The following MBNL2 variants were observed in gnomAD, a reference collection of about 807,000 sequenced individuals.
MBNL2 encodes muscleblind like splicing regulator 2, also known as muscleblind-like protein 2.
MBNL2 carries 17 observed loss-of-function variants against 41.9 expected under a neutral mutation model. The observed-to-expected ratio is 0.41, with a 90% CI of 0.28 to 0.61. MBNL2 has a LOEUF of 0.61. Ranked by LOEUF, MBNL2 falls within the 20% of genes least tolerant of loss-of-function variation. The probability of loss-of-function intolerance (pLI) is 0.35; values close to 1 mark genes in which losing one functional copy is unlikely to be tolerated. For synonymous variants in MBNL2, 195 were observed against 182.9 expected, an observed-to-expected ratio of 1.07 and a Z score of -0.53; for missense variants, 336 against 505.6, an observed-to-expected ratio of 0.66 and a Z score of 3.22.
At chr13:97,242,794 G>A (rs2044575953) in intron 1 of MBNL2, among the ~76,000 whole-genome samples, 2 of 150,686 alleles carry the variant, frequency 1.3e-5, no homozygotes, top group Non-Finnish European at 2.9e-5. Flanking sequence ...CCTCCTGTAC[G>A]TTGCTTGATT....
chr13:97,228,720 G>C (rs934649967), intron 1 of MBNL2, among the ~76,000 whole-genome samples: 1 of 151,738 alleles, frequency 6.6e-6, no homozygotes, highest in African/African-American at 2.4e-5. Context: ...AGTAGAGACA[G>C]GGTTTCACCA....
chr13:97,259,209 C>G (rs2048130663), intron 1 of MBNL2, among the ~76,000 whole-genome samples: 1 of 152,164 alleles, frequency 6.6e-6, no homozygotes, highest in Non-Finnish European at 1.5e-5. Context: ...ACCACCACAT[C>G]ATGAAGACTG....
chr13:97,266,727 A>G (rs1480720732), intron 1 of MBNL2, among the ~76,000 whole-genome samples: 2 of 152,078 alleles, frequency 1.3e-5, no homozygotes, highest in Non-Finnish European at 1.5e-5. Context: ...TTAAAAATAT[A>G]TATTTTAAGA....
At chr13:97,286,211 G>A (rs1306986931) in intron 2 of MBNL2, among the ~76,000 whole-genome samples, 3 of 152,136 alleles carry the variant, frequency 2.0e-5, no homozygotes, top group African/African-American at 7.2e-5. Flanking sequence ...AATTTAATGT[G>A]TCCACTAACA....
intron 8 of MBNL2, among the ~76,000 whole-genome samples, chr13:97,377,268 C>T (rs2065046876): frequency 6.6e-6 from 1 of 152,160 alleles, no homozygotes; most frequent in South Asian, 2.1e-4. Context: ...TAGAACTTTC[C>T]AGAAGCTCCT....
chr13:97,346,289 A>G lies in MBNL2; in HGVS notation c.541-515A>G, dbSNP rs1292449587. Among the ~76,000 whole-genome samples, 1 of 152,134 alleles carries G rather than the reference A, an allele frequency of 6.6e-6. No individual in the cohort carries two copies. The highest frequency in any genetic ancestry group is 1.5e-5 in the Non-Finnish European group (1 of 68,020). ...GATGGATGGATAGATGGATGGGTGG[A>G]TGGATAGATAGATGGATAATAGATA... On this transcript the variant is annotated intron_variant, in intron 4 of 8. Coordinates refer to ENST00000679496, the MANE Select transcript of MBNL2 (RefSeq NM_001382683.1). The surrounding 1 kb of genome is among the most constrained non-coding windows in gnomAD (Gnocchi z 4.2).
intron 1 of MBNL2, among the ~76,000 whole-genome samples, chr13:97,233,126 C>CATATATATATATAT (rs376967986): frequency 5.0e-5 from 2 of 39,776 alleles, no homozygotes; most frequent in African/African-American, 9.7e-5. Flanking sequence ...GGCTCTTTTT[C>CATATATATATATAT]ATATATATAT....
the MBNL2 span, among the ~76,000 whole-genome samples, chr13:97,198,181 T>G: frequency 6.6e-6 from 1 of 152,134 alleles, no homozygotes; most frequent in African/African-American, 2.4e-5. Context: ...CTGGATGAGA[T>G]TCAATGTCAT....
chr13:97,375,686 C>A (rs1444605832), intron 8 of MBNL2, among the ~76,000 whole-genome samples: 1 of 152,212 alleles, frequency 6.6e-6, no homozygotes, highest in Admixed American at 6.5e-5. Context: ...GGTAGCAGAG[C>A]CTGCCTTTGG....
intron 1 of MBNL2, among the ~76,000 whole-genome samples, chr13:97,273,081 A>G (rs1393952943): frequency 1.3e-5 from 2 of 152,248 alleles, no homozygotes; most frequent in African/African-American, 4.8e-5. Context: ...CTTGCCATCT[A>G]TGCAACAGTA....
At chr13:97,155,277 G>A in the MBNL2 span, among the ~76,000 whole-genome samples, 54 of 151,450 alleles carry the variant, frequency 3.6e-4, no homozygotes, top group African/African-American at 1.3e-3. Context: ...TTTATATCCA[G>A]GTTTTAAATA....
chr13:97,257,997 C>T (rs1408256102), intron 1 of MBNL2, among the ~76,000 whole-genome samples: 1 of 152,186 alleles, frequency 6.6e-6, no homozygotes, highest in Non-Finnish European at 1.5e-5. Flanking sequence ...ATGATGACAA[C>T]TGGTGACGGC....
the MBNL2 span, among the ~76,000 whole-genome samples, chr13:97,167,075 A>G: frequency 6.6e-6 from 1 of 152,240 alleles, no homozygotes; most frequent in African/African-American, 2.4e-5. Flanking sequence ...TACAGAGCAC[A>G]GAGTAAATGC....
chr13:97,387,066 A>C (rs1240459725), intron 8 of MBNL2, among the ~76,000 whole-genome samples: 1 of 151,296 alleles, frequency 6.6e-6, no homozygotes, highest in African/African-American at 2.4e-5. Context: ...TAATGCTTGC[A>C]GTTCAGAATT....
chr13:97,149,394 T>C, the MBNL2 span, among the ~76,000 whole-genome samples: 1 of 152,142 alleles, frequency 6.6e-6, no homozygotes, highest in Non-Finnish European at 1.5e-5. Flanking sequence ...CACTAAGTCG[T>C]TCTCTGCTTG....
At chr13:97,391,286 G>T (rs372069584) in intron 8 of MBNL2, 36 bp from the exon 9 acceptor site, 1 of 909,936 alleles carries the variant, frequency 1.1e-6, no homozygotes, top group Non-Finnish European at 1.8e-6. Context: ...CCTCCCAGAA[G>T]GATACCTAAA....
At chr13:97,226,292 A>C (rs1246613842) in intron 1 of MBNL2, among the ~76,000 whole-genome samples, 2 of 152,242 alleles carry the variant, frequency 1.3e-5, no homozygotes, top group Non-Finnish European at 2.9e-5. Flanking sequence ...TGCCCTCCTC[A>C]ATACAGCAGA....
At chr13:97,161,246 C>G in the MBNL2 span, among the ~76,000 whole-genome samples, 1,367 of 152,310 alleles carry the variant, frequency 9.0e-3, 20 homozygotes, top group African/African-American at 0.031. Context: ...AGTGCATACT[C>G]TGGTGGCTAA....
intron 7 of MBNL2, among the ~76,000 whole-genome samples, chr13:97,362,003 A>G (rs1433301376): frequency 6.6e-6 from 1 of 151,556 alleles, no homozygotes; most frequent in African/African-American, 2.4e-5. Context: ...GATCTCCTTG[A>G]CCTTGTGATC....
Sources: allele counts gnomAD v4.1 joint callset (sites outside exome capture counted in the v4.1 genomes callset), GRCh38; gene constraint gnomAD v4.1.1; non-coding constraint Gnocchi (gnomAD v3.1); transcripts MANE v1.5; gene names NCBI Gene and HGNC (gene_info 2026-07-23, HGNC 2026-07-21).